EXOC6B: variants seen among roughly 807,000 people sequenced by gnomAD.
EXOC6B encodes SEC15 homolog B.
EXOC6B carries 54 observed loss-of-function variants against 113.5 expected under a neutral mutation model. The observed-to-expected ratio is 0.48, with a 90% CI of 0.38 to 0.60. EXOC6B has a LOEUF of 0.60. Among genes scored for constraint, EXOC6B ranks in the 20% least tolerant of loss-of-function variants. EXOC6B has a pLI of 0.00. For missense variants in EXOC6B, 797 were observed against 977.5 expected (o/e 0.82, Z 2.46); for synonymous variants, 357 against 339.0 (o/e 1.05, Z -0.58).
intron 8 of EXOC6B, among the ~76,000 whole-genome samples, chr2:72,544,145 A>G (rs1322183366): frequency 1.3e-5 from 2 of 152,232 alleles, no homozygotes; most frequent in Non-Finnish European, 2.9e-5. Context: ...AAATAAAACA[A>G]TTACAGACAG....
At chr2:72,246,041 A>G (rs566370825) in intron 20 of EXOC6B, among the ~76,000 whole-genome samples, 188 of 152,260 alleles carry the variant, frequency 1.2e-3, no homozygotes, top group Admixed American at 2.1e-3. Context: ...TCTTTTAAAC[A>G]AATTAATTTA....
chr2:72,235,049 AT>A (rs1327283304), intron 20 of EXOC6B, among the ~76,000 whole-genome samples: 1 of 152,206 alleles, frequency 6.6e-6, no homozygotes, highest in Non-Finnish European at 1.5e-5. Flanking sequence ...ACTACTAAGT[AT>A]ATACCCAAAG....
At chr2:72,550,120 AT>A (rs1703126373) in intron 8 of EXOC6B, among the ~76,000 whole-genome samples, 1 of 152,150 alleles carries the variant, frequency 6.6e-6, no homozygotes, top group East Asian at 1.9e-4. Context: ...CTATTCCTAA[AT>A]CCTTTTTCTT....
At chr2:72,202,698 G>A (rs1679562198) in intron 20 of EXOC6B, among the ~76,000 whole-genome samples, 2 of 152,192 alleles carry the variant, frequency 1.3e-5, no homozygotes, top group Non-Finnish European at 2.9e-5. Context: ...TCATTCAGAA[G>A]TAGATACTAA....
chr2:72,619,475 CA>C (rs1173455856), intron 6 of EXOC6B, among the ~76,000 whole-genome samples: 1 of 151,710 alleles, frequency 6.6e-6, no homozygotes, highest in African/African-American at 2.4e-5. Flanking sequence ...ACTTATAATA[CA>C]GTAGAAAATT....
chr2:72,587,780 A>G (rs1390463426), intron 6 of EXOC6B, among the ~76,000 whole-genome samples: 1 of 152,166 alleles, frequency 6.6e-6, no homozygotes, highest in East Asian at 1.9e-4. Flanking sequence ...TGTATCTGAT[A>G]AGGGATTAAT....
Position 72,792,489 on chromosome 2 carries a change from A to G in EXOC6B, c.113+33309T>C, listed in dbSNP as rs76954415. On this transcript the variant is annotated intron_variant, in intron 1 of 21. Coordinates refer to ENST00000272427, the MANE Select transcript of EXOC6B (RefSeq NM_015189.3). ...ATTTCTAGCTTTTCTTCTTACTTCA[A>G]TTTCATCCACTTTTAAATTTTATCC... Among the ~76,000 whole-genome samples the G allele has an allele frequency of 5.6e-3, 847 of 152,262 alleles. 7 individuals carry two copies. Among genetic ancestry groups the G allele is most frequent in the African/African-American group, 0.02 (820 of 41,548 alleles).
At chr2:72,465,078 C>T in intron 18 of EXOC6B, 82 bp downstream of exon 18, 1 of 1,202,486 alleles carries the variant, frequency 8.3e-7, no homozygotes, top group Non-Finnish European at 1.2e-6. Flanking sequence ...GTAGTTACAG[C>T]AGAAACTAAC....
At chr2:72,793,101 C>T (rs1684767423) in intron 1 of EXOC6B, among the ~76,000 whole-genome samples, 1 of 152,104 alleles carries the variant, frequency 6.6e-6, no homozygotes, top group African/African-American at 2.4e-5. Flanking sequence ...TATTTTTGGA[C>T]ATCTGAACTG....
chr2:72,579,134 G>C (rs1705048472), intron 6 of EXOC6B, among the ~76,000 whole-genome samples: 1 of 152,078 alleles, frequency 6.6e-6, no homozygotes, highest in African/African-American at 2.4e-5. Flanking sequence ...AGAAGCAAAA[G>C]TAACAGAATT....
At chr2:72,458,967 C>G (rs1280387617) in intron 18 of EXOC6B, among the ~76,000 whole-genome samples, 1 of 152,102 alleles carries the variant, frequency 6.6e-6, no homozygotes, top group Non-Finnish European at 1.5e-5. Flanking sequence ...ATCACCTCCA[C>G]ATACCCCCAG....
chr2:72,609,798 A>G (rs1392528898), intron 6 of EXOC6B, among the ~76,000 whole-genome samples: 2 of 152,108 alleles, frequency 1.3e-5, no homozygotes, highest in Non-Finnish European at 2.9e-5. Context: ...ATGCACATGC[A>G]CACACACATA....
chr2:72,446,132 C>A (rs977003059), intron 18 of EXOC6B, among the ~76,000 whole-genome samples: 10 of 152,140 alleles, frequency 6.6e-5, no homozygotes, highest in Non-Finnish European at 1.3e-4. Flanking sequence ...ATCCAATAAT[C>A]CCATTACTAG....
intron 18 of EXOC6B, among the ~76,000 whole-genome samples, chr2:72,413,120 G>A (rs561039579): frequency 3.3e-5 from 5 of 151,902 alleles, no homozygotes; most frequent in Non-Finnish European, 5.9e-5. Context: ...CACCACGCCC[G>A]GCGAAGTTTT....
chr2:72,236,126 A>C (rs533748870), intron 20 of EXOC6B, among the ~76,000 whole-genome samples: 1 of 152,332 alleles, frequency 6.6e-6, no homozygotes, highest in Non-Finnish European at 1.5e-5. Flanking sequence ...AGCTGAACCA[A>C]AATGAACTGA....
intron 6 of EXOC6B, among the ~76,000 whole-genome samples, chr2:72,632,639 C>T (rs1242151736): frequency 3.9e-5 from 6 of 152,014 alleles, no homozygotes; most frequent in Admixed American, 2.6e-4. Context: ...GGATAGATAG[C>T]AACATGAAAA....
At chr2:72,284,886 C>T (rs1331870212) in intron 20 of EXOC6B, among the ~76,000 whole-genome samples, 1 of 151,810 alleles carries the variant, frequency 6.6e-6, no homozygotes, top group Non-Finnish European at 1.5e-5. Flanking sequence ...TATAAGCACC[C>T]CCAGAATGAA....
intron 19 of EXOC6B, among the ~76,000 whole-genome samples, chr2:72,363,428 A>G (rs370000599): frequency 6.6e-6 from 1 of 152,138 alleles, no homozygotes; most frequent in African/African-American, 2.4e-5. Context: ...ACTTTTCAGG[A>G]CAGCCATAGA....
At position 72,238,481 on chromosome 2, in the gene EXOC6B, C is replaced by T. The variant is rs532606517; in HGVS notation, c.2197-54294G>A. 3.3e-5 allele frequency among the ~76,000 whole-genome samples: 5 copies of T among 152,308 alleles called. No homozygotes were observed. In the South Asian group the frequency reaches 1.0e-3, roughly 32 times the overall value. On this transcript the variant is annotated intron_variant, in intron 20 of 21. Transcript: ENST00000272427. ...TTTAACTTTTTGAGGAACTGCCAGA[C>T]TGTTTTCTAAAGTGGCTGTACAATT...
Sources: allele counts gnomAD v4.1 joint callset (sites outside exome capture counted in the v4.1 genomes callset), GRCh38; gene constraint gnomAD v4.1.1; transcripts MANE v1.5; gene names NCBI Gene and HGNC (gene_info 2026-07-23, HGNC 2026-07-21).